ZNF407: variants seen among roughly 807,000 people sequenced by gnomAD.
ZNF407 encodes the protein zinc finger protein 407.
Under a neutral mutation model 131.2 loss-of-function variants are expected in ZNF407, and 17 were observed. The observed-to-expected ratio is 0.13, with a 90% CI of 0.09 to 0.19. The LOEUF is 0.19. Among genes scored for constraint, ZNF407 ranks in the 10% least tolerant of loss-of-function variants. ZNF407 has a pLI of 1.00. For missense variants in ZNF407, 2,681 were observed against 2,830.6 expected (o/e 0.95, Z 1.20); for synonymous variants, 1,156 against 1,062.0 (o/e 1.09, Z -1.72).
At chr18:74,785,807 G>A (rs1049505677) in intron 4 of ZNF407, among the ~76,000 whole-genome samples, 5 of 148,414 alleles carry the variant, frequency 3.4e-5, no homozygotes, top group Non-Finnish European at 7.5e-5. Context: ...GGCACACACA[G>A]CATGTACATG....
intron 8 of ZNF407, among the ~76,000 whole-genome samples, chr18:74,980,073 T>C (rs982478378): frequency 4.6e-5 from 7 of 151,896 alleles, no homozygotes; most frequent in African/African-American, 1.5e-4. Flanking sequence ...GGTCGTGTTC[T>C]TGCGTAAAAG....
intron 3 of ZNF407, among the ~76,000 whole-genome samples, chr18:74,735,814 G>A (rs751883474): frequency 2.6e-5 from 4 of 152,090 alleles, no homozygotes; most frequent in African/African-American, 7.2e-5. Flanking sequence ...ATTTATCTTC[G>A]TATTTCCTCT....
chr18:74,881,889 G>A (rs1019215717), intron 6 of ZNF407, among the ~76,000 whole-genome samples: 2 of 152,160 alleles, frequency 1.3e-5, no homozygotes, highest in Non-Finnish European at 2.9e-5. Context: ...AGTTCCACGT[G>A]GCTCAGGAAG....
intron 3 of ZNF407, among the ~76,000 whole-genome samples, chr18:74,725,968 T>C (rs1644728431): frequency 6.6e-6 from 1 of 152,186 alleles, no homozygotes; most frequent in African/African-American, 2.4e-5. Flanking sequence ...GTTTTTGATA[T>C]TGCCTTGAGA....
At chr18:74,748,415 A>G (rs747951175) in intron 3 of ZNF407, among the ~76,000 whole-genome samples, 3 of 152,008 alleles carry the variant, frequency 2.0e-5, no homozygotes, top group Admixed American at 6.6e-5. Context: ...TAGCCTTTCT[A>G]CCACCAAAAT....
chr18:74,647,139 G>A (rs537430355), intron 3 of ZNF407, among the ~76,000 whole-genome samples: 1 of 151,566 alleles, frequency 6.6e-6, no homozygotes, highest in Admixed American at 6.6e-5. Flanking sequence ...GCTTCCTTGT[G>A]ATTTTAAAAT....
rs890535662 is a variant in ZNF407 at position 75,048,272 on chromosome 18, G to T, written c.5429-14878G>T. On this transcript the variant is annotated intron_variant, in intron 8 of 8. Transcript: ENST00000299687. The surrounding 1 kb of genome is among the most constrained non-coding windows in gnomAD (Gnocchi z 4.1). ...TTTCGTGGTCTTTCTGGTATTATGCGTCAGAGGCCTAATTTTTGTCTACAT... is the reference window on the plus strand; with the variant it reads ...TTTCGTGGTCTTTCTGGTATTATGCTTCAGAGGCCTAATTTTTGTCTACAT... 6.6e-6 allele frequency among the ~76,000 whole-genome samples: 1 copy of T among 152,198 alleles called. No homozygotes were observed. Among genetic ancestry groups the T allele is most frequent in the South Asian group, 2.1e-4 (1 of 4,826 alleles).
At chr18:74,951,307 G>T (rs1972211084) in intron 8 of ZNF407, among the ~76,000 whole-genome samples, 1 of 152,186 alleles carries the variant, frequency 6.6e-6, no homozygotes, top group Non-Finnish European at 1.5e-5. Context: ...AGTAACAAAG[G>T]CTTGCCCTTG....
At chr18:74,895,403 G>T (rs1309053862) in intron 7 of ZNF407, among the ~76,000 whole-genome samples, 2 of 151,946 alleles carry the variant, frequency 1.3e-5, no homozygotes, top group Non-Finnish European at 2.9e-5. Context: ...TGTGTGACTG[G>T]CACAGGGCAA....
At chr18:74,614,954 C>T (rs1983220523) in intron 1 of ZNF407, among the ~76,000 whole-genome samples, 1 of 152,158 alleles carries the variant, frequency 6.6e-6, no homozygotes, top group Non-Finnish European at 1.5e-5. Flanking sequence ...TGCACAATTC[C>T]AGGTTATGTT....
At chr18:74,920,190 G>A (rs1025358431) in intron 7 of ZNF407, among the ~76,000 whole-genome samples, 4 of 152,158 alleles carry the variant, frequency 2.6e-5, no homozygotes, top group Non-Finnish European at 4.4e-5. Context: ...GTGGTAATAG[G>A]TGTGTTCTCA....
intron 3 of ZNF407, among the ~76,000 whole-genome samples, chr18:74,658,572 A>G (rs909779094): frequency 2.0e-5 from 3 of 152,190 alleles, no homozygotes; most frequent in African/African-American, 7.2e-5. Flanking sequence ...GGTTTAAAAT[A>G]AAGAAAAACT....
chr18:74,860,698 C>G (rs1048129223), intron 4 of ZNF407, among the ~76,000 whole-genome samples: 3 of 151,926 alleles, frequency 2.0e-5, no homozygotes, highest in African/African-American at 7.3e-5. Flanking sequence ...TTTTGGGTAT[C>G]ATAGTGGGGA....
intron 4 of ZNF407, among the ~76,000 whole-genome samples, chr18:74,785,911 T>C (rs1969701545): frequency 6.6e-6 from 1 of 151,676 alleles, no homozygotes; most frequent in Non-Finnish European, 1.5e-5. Flanking sequence ...GGGACACACA[T>C]GTCACATGGC....
At chr18:74,790,130 A>G (rs1458902591) in intron 4 of ZNF407, among the ~76,000 whole-genome samples, 2 of 152,110 alleles carry the variant, frequency 1.3e-5, no homozygotes, top group African/African-American at 4.8e-5. Context: ...TATTCCTTCC[A>G]TCTCCCCAGA....
intron 8 of ZNF407, among the ~76,000 whole-genome samples, chr18:74,955,194 C>T (rs944227355): frequency 2.6e-5 from 4 of 151,698 alleles, no homozygotes. Context: ...TTGTGGGGAC[C>T]GCAAGTCCAG....
intron 1 of ZNF407, among the ~76,000 whole-genome samples, chr18:74,598,705 C>T (rs988641002): frequency 6.6e-6 from 1 of 152,270 alleles, no homozygotes; most frequent in Admixed American, 6.5e-5. Context: ...GCGGGGAGAC[C>T]CGCGGCTGCC....
chr18:74,976,907 AT>A (rs10712433), intron 8 of ZNF407, among the ~76,000 whole-genome samples: 28,254 of 152,220 alleles, frequency 0.19, 3,076 homozygotes, highest in Admixed American at 0.28. Context: ...TGAGGAAAAC[AT>A]CTCTACTGAC....
intron 3 of ZNF407, among the ~76,000 whole-genome samples, chr18:74,657,113 G>A (rs1196500038): frequency 2.3e-4 from 33 of 143,600 alleles, no homozygotes; most frequent in Admixed American, 1.9e-3. Context: ...TTAAGTGTCT[G>A]TGTAGTCTTC....
Sources: gnomAD v4.1 joint callset for allele counts (sites outside exome capture counted in the v4.1 genomes callset) on GRCh38, gnomAD v4.1.1 for gene constraint, Gnocchi (gnomAD v3.1) non-coding constraint, MANE v1.5 for transcripts, NCBI Gene and HGNC (gene_info 2026-07-23, HGNC 2026-07-21) for gene names.